The following FAM117B variants were observed in gnomAD, a reference collection of about 807,000 sequenced individuals.
FAM117B encodes the protein protein FAM117B.
Under a neutral mutation model 52.8 loss-of-function variants are expected in FAM117B, and 22 were observed. That is an observed-to-expected ratio of 0.42 (90% CI 0.30 to 0.59). The LOEUF (loss-of-function observed/expected upper bound fraction) is 0.59. FAM117B is among the 20% of genes least tolerant of loss of function. The pLI is 0.22. For missense variants in FAM117B, 678 were observed against 802.6 expected (o/e 0.84, Z 1.88); for synonymous variants, 309 against 324.1 (o/e 0.95, Z 0.50).
At chr2:202,750,879 A>C (rs1170254249) in intron 4 of FAM117B, among the ~76,000 whole-genome samples, 1 of 152,182 alleles carries the variant, frequency 6.6e-6, no homozygotes, top group African/African-American at 2.4e-5. Flanking sequence ...TTTTGGTTGA[A>C]TAAACATGAA....
intron 4 of FAM117B, among the ~76,000 whole-genome samples, chr2:202,732,284 G>T (rs568764357): frequency 1.6e-4 from 24 of 152,262 alleles, no homozygotes; most frequent in Non-Finnish European, 2.9e-4. Context: ...ATTGCCAAAT[G>T]GCCCGGCACT....
intron 1 of FAM117B, among the ~76,000 whole-genome samples, chr2:202,636,218 A>T (rs1187283493): frequency 6.6e-6 from 1 of 152,248 alleles, no homozygotes; most frequent in African/African-American, 2.4e-5. Flanking sequence ...TGCTGCTGCT[A>T]AGTATTTCTG....
rs1326557778 is a variant in FAM117B, at chr2:202,755,678, T to G, written c.1101T>G (p.Leu367=). 2 of 1,612,010 alleles carry G rather than the reference T, an allele frequency of 1.2e-6. No homozygotes were observed. The highest frequency in any genetic ancestry group is 2.7e-5 in the African/African-American group (2 of 74,810). The change falls in exon 5 of 8, where the codon CTT becomes CTG. Residue 367 remains leucine, a synonymous_variant. Coordinates refer to ENST00000392238, the MANE Select transcript of FAM117B (RefSeq NM_173511.4). ...AGACTGGGGAAAAGGAAGAGCAACT[T>G]ATAGTAAGTGATCTTGTATCTTAAA... ...IKETGEKEEQ[L]IPQDIPDGHR...
At chr2:202,692,943 A>G (rs1457387018) in intron 1 of FAM117B, among the ~76,000 whole-genome samples, 7 of 152,164 alleles carry the variant, frequency 4.6e-5, no homozygotes, top group Admixed American at 1.3e-4. Context: ...TTTAATTTTT[A>G]TGGATTACAA....
At chr2:202,711,670 A>G (rs1025133812) in intron 2 of FAM117B, among the ~76,000 whole-genome samples, 1 of 152,156 alleles carries the variant, frequency 6.6e-6, no homozygotes, top group African/African-American at 2.4e-5. Flanking sequence ...GTAGTTTCAT[A>G]GTTTGAGGTC....
intron 1 of FAM117B, 32 bp downstream of exon 1, chr2:202,635,820 G>A (rs2105748843): frequency 7.1e-7 from 1 of 1,399,280 alleles, no homozygotes; most frequent in Non-Finnish European, 9.3e-7. Context: ...GCAAGGGGGA[G>A]GCGGCTGCGG....
intron 7 of FAM117B, among the ~76,000 whole-genome samples, chr2:202,763,016 T>G (rs766132439): frequency 3.3e-4 from 50 of 151,812 alleles, no homozygotes; most frequent in Admixed American, 1.2e-3. Flanking sequence ...AGTTTGTACT[T>G]CAGAAATGTG....
At chr2:202,750,659 G>C (rs570324955) in intron 4 of FAM117B, among the ~76,000 whole-genome samples, 1 of 152,172 alleles carries the variant, frequency 6.6e-6, no homozygotes, top group East Asian at 1.9e-4. Flanking sequence ...CATCTTATAT[G>C]TTCTAGGCTC....
chr2:202,723,166 G>A (rs1691179761), intron 2 of FAM117B, among the ~76,000 whole-genome samples: 2 of 152,114 alleles, frequency 1.3e-5, no homozygotes, highest in African/African-American at 4.8e-5. Context: ...TTGTCAGAAT[G>A]GAGTCCTTTT....
chr2:202,664,366 T>A (rs1015168732), intron 1 of FAM117B, among the ~76,000 whole-genome samples: 2 of 152,236 alleles, frequency 1.3e-5, no homozygotes, highest in Admixed American at 1.3e-4. Context: ...TAGCCTGGAA[T>A]GTCTGAGAAC....
intron 4 of FAM117B, among the ~76,000 whole-genome samples, chr2:202,737,556 C>T (rs759120025): frequency 1.1e-4 from 16 of 152,056 alleles, no homozygotes; most frequent in Non-Finnish European, 5.9e-5. Context: ...TTTCACTCAA[C>T]GATAGTGCCC....
intron 3 of FAM117B, 100 bp downstream of exon 3, chr2:202,725,109 G>T: frequency 1.2e-6 from 1 of 843,902 alleles, no homozygotes; most frequent in Non-Finnish European, 1.8e-6. Flanking sequence ...GTTTTCCATT[G>T]ATTTCTTTTT....
At chr2:202,664,150 C>T (rs1480300988) in intron 1 of FAM117B, among the ~76,000 whole-genome samples, 1 of 152,198 alleles carries the variant, frequency 6.6e-6, no homozygotes, top group Non-Finnish European at 1.5e-5. Context: ...AACTAATTAT[C>T]CCATGATATC....
rs1296338778 is a variant in FAM117B at position 202,768,208 on chromosome 2, T to C, written c.*2444T>C. The C allele has an allele frequency of 6.6e-6, 1 of 152,216 alleles. No homozygotes were observed. Among genetic ancestry groups the C allele is most frequent in the Non-Finnish European group, 1.5e-5 (1 of 68,032 alleles). 9.4% of individuals were successfully genotyped at this position (152,216 alleles called of 1,614,324 possible). ...TCACAATGGCATTTTAGAACTAGAATGCCACTCTGTAGAGGTTTTCCCTTT... is the reference window on the plus strand; with the variant it reads ...TCACAATGGCATTTTAGAACTAGAACGCCACTCTGTAGAGGTTTTCCCTTT... On this transcript the variant is annotated 3_prime_UTR_variant, in exon 8 of 8. Transcript: ENST00000392238.
chr2:202,731,368 TGG>T (rs1491527465), intron 4 of FAM117B, among the ~76,000 whole-genome samples: 52 of 95,618 alleles, frequency 5.4e-4, no homozygotes, highest in Non-Finnish European at 7.0e-4. Context: ...TATATATATA[TGG>T]AGAGAGAGAG....
chr2:202,642,136 G>C (rs930444320), intron 1 of FAM117B, among the ~76,000 whole-genome samples: 16 of 132,362 alleles, frequency 1.2e-4, no homozygotes, highest in African/African-American at 4.5e-4. Flanking sequence ...TTTTTTTTTA[G>C]TAGAGACGGG....
intron 2 of FAM117B, among the ~76,000 whole-genome samples, chr2:202,722,905 T>A (rs1053063363): frequency 1.3e-5 from 2 of 152,222 alleles, no homozygotes; most frequent in African/African-American, 4.8e-5. Context: ...TGGTTTTTGA[T>A]TTTGATACTT....
chr2:202,690,942 G>A (rs1690611325), intron 1 of FAM117B, among the ~76,000 whole-genome samples: 1 of 152,088 alleles, frequency 6.6e-6, no homozygotes, highest in Non-Finnish European at 1.5e-5. Context: ...TGACAGGGTA[G>A]ATGTAGACTG....
chr2:202,746,255 CCACAGACTAGAACTAGGAAT>C (rs1691630363), intron 4 of FAM117B, among the ~76,000 whole-genome samples: 1 of 151,922 alleles, frequency 6.6e-6, no homozygotes, highest in Admixed American at 6.6e-5. Context: ...TCTTCTCATA[CCACAGACTAGAACTAGGAAT>C]CACAGACTAG....
Sources: allele counts gnomAD v4.1 joint callset (sites outside exome capture counted in the v4.1 genomes callset), GRCh38; gene constraint gnomAD v4.1.1; transcripts MANE v1.5; gene names NCBI Gene and HGNC (gene_info 2026-07-23, HGNC 2026-07-21).